GAREM1: variants seen among roughly 807,000 people sequenced by gnomAD.
The protein encoded by GAREM1 is GRB2-associated and regulator of MAPK protein 1.
A neutral mutation model predicts 71.3 loss-of-function variants in GAREM1; 26 were observed. That is an observed-to-expected ratio of 0.36 (90% CI 0.27 to 0.51). GAREM1 has a LOEUF of 0.51. GAREM1 is among the 20% of genes least tolerant of loss of function. The pLI, the probability that GAREM1 is intolerant of heterozygous loss-of-function variation, is 0.95. For synonymous variants in GAREM1, 440 were observed against 433.2 expected (o/e 1.02, Z -0.20); for missense variants, 1,026 against 1,103.1 (o/e 0.93, Z 0.99).
chr18:32,441,633 C>T (rs1180829833), intron 1 of GAREM1, among the ~76,000 whole-genome samples: 1 of 152,096 alleles, frequency 6.6e-6, no homozygotes, highest in African/African-American at 2.4e-5. Context: ...TCTCTTATAC[C>T]CAGAAACAAA....
intron 1 of GAREM1, among the ~76,000 whole-genome samples, chr18:32,430,561 T>C (rs11081763): frequency 0.22 from 32,738 of 151,952 alleles, 4,122 homozygotes; most frequent in East Asian, 0.38. Flanking sequence ...CCTCACCCTG[T>C]TTCTCCACGG....
intron 1 of GAREM1, among the ~76,000 whole-genome samples, chr18:32,450,642 T>C (rs16963381): frequency 0.26 from 38,786 of 152,002 alleles, 6,317 homozygotes; most frequent in African/African-American, 0.46. Context: ...CTGAATTTCC[T>C]CTTCAATACC....
intron 2 of GAREM1, among the ~76,000 whole-genome samples, chr18:32,323,416 A>G (rs1475907152): frequency 6.6e-6 from 1 of 152,222 alleles, no homozygotes; most frequent in African/African-American, 2.4e-5. Flanking sequence ...AAGCATTATG[A>G]GAAAGCTCAT....
At chr18:32,279,526 G>T (rs2041586418) in intron 4 of GAREM1, among the ~76,000 whole-genome samples, 1 of 152,160 alleles carries the variant, frequency 6.6e-6, no homozygotes, top group African/African-American at 2.4e-5. Context: ...CTGATGATCT[G>T]TCACTGTCTC....
intron 1 of GAREM1, among the ~76,000 whole-genome samples, chr18:32,403,478 A>G (rs2144674405): frequency 6.6e-6 from 1 of 152,226 alleles, no homozygotes; most frequent in East Asian, 1.9e-4. Flanking sequence ...TGCTCACTTC[A>G]GTTTCCTTGC....
chr18:32,344,877 T>C (rs2047679450), intron 2 of GAREM1, among the ~76,000 whole-genome samples: 1 of 151,968 alleles, frequency 6.6e-6, no homozygotes. Flanking sequence ...CTGGCCAATA[T>C]GGTGAAACCC....
chr18:32,410,577 T>C (rs1349680288), intron 1 of GAREM1, among the ~76,000 whole-genome samples: 2 of 152,130 alleles, frequency 1.3e-5, no homozygotes, highest in African/African-American at 4.8e-5. Context: ...TTTAAACTCC[T>C]GGTCTCAAGA....
At chr18:32,317,617 C>T (rs978693416) in intron 2 of GAREM1, among the ~76,000 whole-genome samples, 10 of 151,164 alleles carry the variant, frequency 6.6e-5, no homozygotes, top group African/African-American at 2.4e-4. Flanking sequence ...ATGTAAATAA[C>T]CAGCAAACAT....
intron 1 of GAREM1, among the ~76,000 whole-genome samples, chr18:32,441,365 G>A (rs918620897): frequency 1.3e-5 from 2 of 151,988 alleles, no homozygotes; most frequent in East Asian, 1.9e-4. Context: ...ACTCAGCTGC[G>A]GTTGTTATGA....
chr18:32,424,312 CT>C, intron 1 of GAREM1, among the ~76,000 whole-genome samples: 1 of 152,294 alleles, frequency 6.6e-6, no homozygotes, highest in Non-Finnish European at 1.5e-5. Context: ...TCTCACAGAT[CT>C]TTTTTATACT....
intron 2 of GAREM1, among the ~76,000 whole-genome samples, chr18:32,328,991 G>A (rs1336311597): frequency 1.3e-5 from 2 of 152,166 alleles, no homozygotes; most frequent in African/African-American, 4.8e-5. Context: ...AGAACATGAT[G>A]AACAGGCAAT....
chr18:32,278,989 C>CTTT (rs1406949434), intron 4 of GAREM1, among the ~76,000 whole-genome samples: 8 of 152,094 alleles, frequency 5.3e-5, no homozygotes, highest in African/African-American at 1.9e-4. Context: ...CGGGCAGCCA[C>CTTT]TTACTCAGTG....
intron 1 of GAREM1, among the ~76,000 whole-genome samples, chr18:32,408,569 G>A (rs2048386861): frequency 6.6e-6 from 1 of 152,050 alleles, no homozygotes; most frequent in Non-Finnish European, 1.5e-5. Flanking sequence ...ATATCAAATA[G>A]TGAGTACAAC....
intron 3 of GAREM1, among the ~76,000 whole-genome samples, chr18:32,289,498 A>G (rs1220395300): frequency 6.6e-6 from 1 of 152,164 alleles, no homozygotes; most frequent in Non-Finnish European, 1.5e-5. Flanking sequence ...GTAAATGAAA[A>G]TGTCATTTGT....
intron 2 of GAREM1, among the ~76,000 whole-genome samples, chr18:32,374,253 T>C (rs1294165106): frequency 1.3e-5 from 2 of 152,256 alleles, no homozygotes; most frequent in Admixed American, 1.3e-4. Flanking sequence ...GCTAGCCAGC[T>C]TTCTACATTG....
Position 32,470,193 on chromosome 18 carries a change from C to T in GAREM1, c.121+115G>A. 2 of 1,247,322 alleles carry T rather than the reference C, an allele frequency of 1.6e-6. No homozygotes were observed. Among genetic ancestry groups the T allele is most frequent in the Non-Finnish European group, 2.0e-6 (2 of 983,580 alleles). The allele number at this position is 1,247,322 out of a possible 1,614,324, so 77.3% of individuals were successfully genotyped here. A position where few individuals can be genotyped will look rare whatever the true frequency, so the allele number is the denominator to read the frequency against. ...GCAGCCGCTCGGGCCAACTCCGGCG[C>T]TCAGGGGCGGGCAGCCCACTCCCCG... On this transcript the variant is annotated intron_variant, in intron 1 of 5. Coordinates refer to ENST00000269209, the MANE Select transcript of GAREM1 (RefSeq NM_001242409.2). The surrounding 1 kb of genome is among the most constrained non-coding windows in gnomAD (Gnocchi z 4.4).
chr18:32,293,994 G>A (rs556036361), intron 3 of GAREM1, among the ~76,000 whole-genome samples: 1 of 152,310 alleles, frequency 6.6e-6, no homozygotes, highest in Non-Finnish European at 1.5e-5. Context: ...ACAAAGAAAG[G>A]CTGAATGATT....
At chr18:32,273,020 A>G (rs945486761) in intron 4 of GAREM1, among the ~76,000 whole-genome samples, 2 of 152,188 alleles carry the variant, frequency 1.3e-5, no homozygotes, top group Non-Finnish European at 2.9e-5. Flanking sequence ...TTCTTAGGGA[A>G]TATCTATAGA....
chr18:32,347,691 T>C (rs1459773191), intron 2 of GAREM1, among the ~76,000 whole-genome samples: 1 of 152,194 alleles, frequency 6.6e-6, no homozygotes, highest in Non-Finnish European at 1.5e-5. Context: ...TAAAGCAATG[T>C]CAATTAACAA....
Sources: allele counts gnomAD v4.1 joint callset (sites outside exome capture counted in the v4.1 genomes callset), GRCh38; gene constraint gnomAD v4.1.1; non-coding constraint Gnocchi (gnomAD v3.1); transcripts MANE v1.5; gene names NCBI Gene and HGNC (gene_info 2026-07-23, HGNC 2026-07-21).